The following GALNT17 variants were observed in gnomAD, a reference collection of about 807,000 sequenced individuals.
GALNT17 encodes UDP-GalNAc:polypeptide N-acetylgalactosaminyltransferase-like 3.
A neutral mutation model predicts 63.7 loss-of-function variants in GALNT17; 29 were observed. That is an observed-to-expected ratio of 0.46 (90% CI 0.34 to 0.62). GALNT17 has a LOEUF of 0.62. GALNT17 is among the 20% of genes least tolerant of loss of function. The pLI is 0.01. For missense variants in GALNT17, 603 were observed against 799.6 expected (o/e 0.75, Z 2.97); for synonymous variants, 305 against 318.3 (o/e 0.96, Z 0.45).
At chr7:71,168,056 ATTT>A (rs1016540150) in intron 1 of GALNT17, among the ~76,000 whole-genome samples, 2 of 152,146 alleles carry the variant, frequency 1.3e-5, no homozygotes, top group African/African-American at 4.8e-5. Context: ...CTCGAAATGT[ATTT>A]TTAAGTTTTT....
intron 1 of GALNT17, among the ~76,000 whole-genome samples, chr7:71,222,644 C>T (rs1321424201): frequency 6.6e-6 from 1 of 152,044 alleles, no homozygotes; most frequent in Non-Finnish European, 1.5e-5. Flanking sequence ...TGGAATGTTT[C>T]TTCATTTGAG....
intron 5 of GALNT17, among the ~76,000 whole-genome samples, chr7:71,496,388 A>T (rs1788094325): frequency 6.6e-6 from 1 of 151,868 alleles, no homozygotes; most frequent in Non-Finnish European, 1.5e-5. Flanking sequence ...ATTTGAGGGG[A>T]GCATCTTTCT....
Position 71,365,328 on chromosome 7 carries a change from C to T in GALNT17, c.423-22907C>T, listed in dbSNP as rs531538851. 5.4e-3 allele frequency among the ~76,000 whole-genome samples: 822 copies of T among 152,332 alleles called. 5 individuals are homozygous for T. The highest frequency in any genetic ancestry group is 9.5e-3 in the Non-Finnish European group (646 of 68,040). ...GATCTCAGCTCACTGCAACCTCTGC[C>T]TCCCAGGCTCAAGCAATTCTCCTGT... On this transcript the variant is annotated intron_variant, in intron 2 of 10. Transcript: ENST00000333538.
chr7:71,298,981 T>C (rs1791137373), intron 1 of GALNT17, among the ~76,000 whole-genome samples: 1 of 152,202 alleles, frequency 6.6e-6, no homozygotes, highest in Non-Finnish European at 1.5e-5. Context: ...CACTAGTGAC[T>C]GACAGGTGTT....
At chr7:71,200,720 C>T (rs1789150043) in intron 1 of GALNT17, among the ~76,000 whole-genome samples, 1 of 152,056 alleles carries the variant, frequency 6.6e-6, no homozygotes, top group African/African-American at 2.4e-5. Context: ...CTTTCCTGCT[C>T]CTACATAGCT....
At chr7:71,644,961 C>T (rs1483165882) in intron 6 of GALNT17, among the ~76,000 whole-genome samples, 2 of 152,150 alleles carry the variant, frequency 1.3e-5, no homozygotes, top group South Asian at 4.1e-4. Context: ...AACACTGTGG[C>T]TCCTCCATCA....
At chr7:71,359,664 A>G (rs771829391) in intron 2 of GALNT17, among the ~76,000 whole-genome samples, 2 of 151,584 alleles carry the variant, frequency 1.3e-5, no homozygotes, top group Non-Finnish European at 2.9e-5. Flanking sequence ...GCTCACTGCA[A>G]CCTCCACCTT....
intron 8 of GALNT17, among the ~76,000 whole-genome samples, chr7:71,672,244 T>C (rs59493697): frequency 0.14 from 21,094 of 152,124 alleles, 2,460 homozygotes; most frequent in East Asian, 0.58. Context: ...TTTTGGAAAA[T>C]AAATCAATTT....
chr7:71,312,839 C>G (rs1249030074), intron 1 of GALNT17, among the ~76,000 whole-genome samples: 1 of 152,104 alleles, frequency 6.6e-6, no homozygotes, highest in Admixed American at 6.5e-5. Flanking sequence ...CTTGTAAGTG[C>G]TATTAAGAAG....
At chr7:71,583,150 A>G (rs1789661443) in intron 6 of GALNT17, among the ~76,000 whole-genome samples, 1 of 152,166 alleles carries the variant, frequency 6.6e-6, no homozygotes. Context: ...ACTGGAGTGC[A>G]GTAGCAGGAT....
intron 1 of GALNT17, among the ~76,000 whole-genome samples, chr7:71,202,658 C>G (rs1347045770): frequency 6.6e-6 from 1 of 152,198 alleles, no homozygotes; most frequent in Non-Finnish European, 1.5e-5. Flanking sequence ...TTAAAACCTA[C>G]TCTCTTAGCA....
intron 1 of GALNT17, among the ~76,000 whole-genome samples, chr7:71,324,300 T>G (rs1347054961): frequency 6.6e-6 from 1 of 152,036 alleles, no homozygotes; most frequent in Non-Finnish European, 1.5e-5. Context: ...TGAGCTTGCA[T>G]CTGGGTGGTG....
chr7:71,619,078 C>T (rs1790256370), intron 6 of GALNT17, among the ~76,000 whole-genome samples: 1 of 152,204 alleles, frequency 6.6e-6, no homozygotes. Context: ...GTTATTTGCT[C>T]ATTGCTTCTT....
intron 2 of GALNT17, among the ~76,000 whole-genome samples, chr7:71,357,718 C>T (rs1792314269): frequency 6.6e-6 from 1 of 152,060 alleles, no homozygotes; most frequent in Admixed American, 6.5e-5. Context: ...ACCAGCCTGG[C>T]CAACATGGTG....
chr7:71,597,516 T>TAATA (rs34346162), intron 6 of GALNT17, among the ~76,000 whole-genome samples: 78,161 of 149,640 alleles, frequency 0.52, 21,223 homozygotes, highest in East Asian at 0.75. Flanking sequence ...CTTAAAAGAG[T>TAATA]AATAAATAAA....
At position 71,200,893 on chromosome 7, in the gene GALNT17, C is replaced by G. The variant is rs184621835; in HGVS notation, c.238+67853C>G. Among the ~76,000 whole-genome samples, 377 of 151,904 alleles carry G rather than the reference C, an allele frequency of 2.5e-3. 4 individuals are homozygous for G. The highest frequency in any genetic ancestry group is 8.5e-3 in the African/African-American group (354 of 41,480). On this transcript the variant is annotated intron_variant, in intron 1 of 10. Coordinates refer to ENST00000333538, the MANE Select transcript of GALNT17 (RefSeq NM_022479.3). ...AACAAAACTCAACTCTTTTTTCCTT[C>G]TTTAAAATAATTACTTACGTACATT...
intron 1 of GALNT17, among the ~76,000 whole-genome samples, chr7:71,259,247 G>T (rs949825929): frequency 2.6e-5 from 4 of 152,172 alleles, no homozygotes; most frequent in Non-Finnish European, 5.9e-5. Context: ...TGAGTCAGAG[G>T]GAGTTGGAAA....
chr7:71,533,653 G>T (rs920752687), intron 5 of GALNT17, among the ~76,000 whole-genome samples: 1 of 152,156 alleles, frequency 6.6e-6, no homozygotes, highest in Non-Finnish European at 1.5e-5. Context: ...CTATAGGTTC[G>T]CTTTGCATGC....
At chr7:71,552,484 A>C (rs1271526019) in intron 5 of GALNT17, among the ~76,000 whole-genome samples, 2 of 148,546 alleles carry the variant, frequency 1.3e-5, no homozygotes, top group Non-Finnish European at 3.0e-5. Context: ...TCTGTTGCCC[A>C]GGCTGGAGTG....
Sources: allele counts gnomAD v4.1 joint callset (sites outside exome capture counted in the v4.1 genomes callset), GRCh38; gene constraint gnomAD v4.1.1; transcripts MANE v1.5; gene names NCBI Gene and HGNC (gene_info 2026-07-23, HGNC 2026-07-21).